The following ABCB1 variants were observed in gnomAD, a reference collection of about 807,000 sequenced individuals.
ABCB1 encodes ATP-dependent translocase ABCB1.
Under a neutral mutation model 142.0 loss-of-function variants are expected in ABCB1, and 69 were observed. That is an observed-to-expected ratio of 0.49 (90% confidence interval 0.40 to 0.59). ABCB1 has a LOEUF of 0.59. ABCB1 is among the 20% of genes least tolerant of loss of function. ABCB1 has a pLI of 0.00. For missense variants in ABCB1, 1,326 were observed against 1,554.7 expected (o/e 0.85, Z 2.47); for synonymous variants, 532 against 539.2 (o/e 0.99, Z 0.18).
At chr7:87,560,375 TA>T (rs1045588396) in intron 8 of ABCB1, among the ~76,000 whole-genome samples, 56 of 152,220 alleles carry the variant, frequency 3.7e-4, no homozygotes, top group African/African-American at 1.3e-3. Flanking sequence ...TATGCACAGT[TA>T]AAAAAATTAT....
intron 1 of ABCB1, among the ~76,000 whole-genome samples, chr7:87,622,748 T>C (rs1820269133): frequency 6.6e-6 from 1 of 152,156 alleles, no homozygotes; most frequent in South Asian, 2.1e-4. Context: ...CAATAAATTA[T>C]GGGCCAGTCA....
Position 87,531,282 on chromosome 7 carries a change from A to C in ABCB1, c.2685+12T>G, listed in dbSNP as rs774692863. 6.3e-7 allele frequency: 1 copy of C among 1,599,408 alleles called. No homozygotes were observed. Among genetic ancestry groups the C allele is most frequent in the Admixed American group, 1.7e-5 (1 of 59,908 alleles). ...TCTACTTAATTAATCAATCATATTT[A>C]GTTTGACTCACCTTCCCAGAACCTT... On this transcript the variant is annotated intron_variant, in intron 21 of 27. Transcript: ENST00000622132.
intron 4 of ABCB1, among the ~76,000 whole-genome samples, chr7:87,582,756 G>A (rs1480465532): frequency 9.9e-5 from 15 of 152,082 alleles, no homozygotes; most frequent in Non-Finnish European, 2.2e-4. Flanking sequence ...TTATTTACAG[G>A]TACTGAAATT....
chr7:87,558,121 G>A (rs1302142597), intron 8 of ABCB1, among the ~76,000 whole-genome samples: 1 of 152,170 alleles, frequency 6.6e-6, no homozygotes, highest in African/African-American at 2.4e-5. Flanking sequence ...CACTACCAGT[G>A]TTGTCCAAAA....
intron 1 of ABCB1, among the ~76,000 whole-genome samples, chr7:87,631,896 A>G (rs991166170): frequency 2.6e-5 from 4 of 152,224 alleles, no homozygotes; most frequent in Non-Finnish European, 5.9e-5. Context: ...CTTCAATTAT[A>G]GGCTTAAAAT....
intron 5 of ABCB1, among the ~76,000 whole-genome samples, chr7:87,567,566 A>T (rs1161145891): frequency 6.6e-6 from 1 of 152,208 alleles, no homozygotes; most frequent in Non-Finnish European, 1.5e-5. Context: ...CCCTTGGGCT[A>T]TTAATCTAGT....
intron 17 of ABCB1, 103 bp from the exon 18 acceptor site, chr7:87,541,567 C>T: frequency 1.2e-6 from 1 of 821,634 alleles, no homozygotes; most frequent in South Asian, 1.4e-5. Context: ...TCAGGAGAGC[C>T]TTAGTACGCT....
At chr7:87,618,091 C>T (rs111629605) in intron 1 of ABCB1, among the ~76,000 whole-genome samples, 11 of 152,276 alleles carry the variant, frequency 7.2e-5, no homozygotes, top group African/African-American at 2.6e-4. Flanking sequence ...ACTTCCTTCC[C>T]TGGCACCCTT....
At chr7:87,604,681 T>C (rs41297345), upstream of ABCB1, among the ~76,000 whole-genome samples, 8 of 152,306 alleles carry the variant, frequency 5.3e-5, no homozygotes, top group South Asian at 1.7e-3. Flanking sequence ...GTCGTTTGTC[T>C]TGCCATCATT....
intron 1 of ABCB1, among the ~76,000 whole-genome samples, chr7:87,703,224 T>C (rs571375297): frequency 5.4e-4 from 82 of 152,294 alleles, no homozygotes; most frequent in African/African-American, 1.6e-3. Flanking sequence ...TTTCCAAGTT[T>C]TTTGTTCTTG....
chr7:87,641,606 G>T (rs1485321965), intron 1 of ABCB1, among the ~76,000 whole-genome samples: 1 of 152,188 alleles, frequency 6.6e-6, no homozygotes, highest in Admixed American at 6.5e-5. Context: ...CGACAGCTGT[G>T]AATGTGCACT....
At chr7:87,533,618 T>C (rs1328250783) in intron 20 of ABCB1, among the ~76,000 whole-genome samples, 1 of 152,218 alleles carries the variant, frequency 6.6e-6, no homozygotes, top group Non-Finnish European at 1.5e-5. Context: ...CTACATCTAT[T>C]TCTACAGAGT....
At position 87,705,295 on chromosome 7, in the gene ABCB1, G is replaced by A. The variant is rs150839761; in HGVS notation, c.-331+7866C>T. Among the ~76,000 whole-genome samples the A allele has an allele frequency of 4.9e-3, 740 of 152,084 alleles. 3 individuals carry two copies. Among genetic ancestry groups the A allele is most frequent in the African/African-American group, 0.017 (694 of 41,510 alleles). ...TGAAAAATTAGCCAGGAGTGGTAGC[G>A]CATGCCTGTAATCCCAGCTACTTGG... is the stretch of plus-strand genomic sequence containing the variant. On this transcript the variant is annotated intron_variant, in intron 1 of 28. Coordinates refer to the ABCB1 transcript ENST00000265724.
chr7:87,703,885 CTTTTTTTTT>C, intron 1 of ABCB1, among the ~76,000 whole-genome samples: 6 of 60,282 alleles, frequency 1.0e-4, no homozygotes, highest in Non-Finnish European at 1.9e-4. Flanking sequence ...TCAGTTTTTT[CTTTTTTTTT>C]TTTTTTTTTT....
chr7:87,540,125 C>A (rs992149100), intron 18 of ABCB1, among the ~76,000 whole-genome samples: 6 of 152,184 alleles, frequency 3.9e-5, no homozygotes, highest in Non-Finnish European at 8.8e-5. Context: ...GAAAAATATT[C>A]TATTTTTTAA....
At chr7:87,549,305 T>C (rs201571044) in intron 14 of ABCB1, 43 bp downstream of exon 14, 3 of 1,613,100 alleles carry the variant, frequency 1.9e-6, no homozygotes, top group Non-Finnish European at 2.5e-6. Flanking sequence ...TAGAATGTTC[T>C]TATGCTTATA....
intron 1 of ABCB1, among the ~76,000 whole-genome samples, chr7:87,700,910 A>G (rs1232522667): frequency 1.3e-5 from 2 of 152,260 alleles, no homozygotes; most frequent in East Asian, 3.8e-4. Flanking sequence ...GAATTAATGC[A>G]GTGACATCAA....
intron 9 of ABCB1, among the ~76,000 whole-genome samples, chr7:87,553,264 A>T (rs1817158534): frequency 6.6e-6 from 1 of 152,102 alleles, no homozygotes; most frequent in East Asian, 1.9e-4. Context: ...TGCAAAAACA[A>T]ACAAGCAAAT....
intron 3 of ABCB1, among the ~76,000 whole-genome samples, chr7:87,587,874 CAAAAAA>C (rs35238388): frequency 2.4e-5 from 2 of 82,074 alleles, no homozygotes; most frequent in African/African-American, 9.7e-5. Context: ...GACTCTGTCT[CAAAAAA>C]AAAAAAAAAA....
Sources: allele counts gnomAD v4.1 joint callset (sites outside exome capture counted in the v4.1 genomes callset), GRCh38; gene constraint gnomAD v4.1.1; transcripts MANE v1.5; gene names NCBI Gene and HGNC (gene_info 2026-07-23, HGNC 2026-07-21).